Variants in ULK4 observed in about 807,000 individuals in gnomAD.
ULK4 encodes the protein inactive serine/threonine-protein kinase ULK4.
A neutral mutation model predicts 160.6 loss-of-function variants in ULK4; 133 were observed. The observed-to-expected ratio is 0.83, with a 90% CI of 0.72 to 0.96. ULK4 has a LOEUF of 0.96. Ranked by LOEUF, ULK4 falls within the 40% of genes least tolerant of loss-of-function variation. The pLI is 0.00. For missense variants in ULK4, 1,580 were observed against 1,499.5 expected (o/e 1.05, Z -0.89); for synonymous variants, 534 against 539.8 (o/e 0.99, Z 0.15).
At chr3:41,881,212 A>G (rs547542741) in intron 17 of ULK4, among the ~76,000 whole-genome samples, 1 of 150,812 alleles carries the variant, frequency 6.6e-6, no homozygotes, top group South Asian at 2.1e-4. Flanking sequence ...AATGGTTTTC[A>G]TTCATCTTAT....
chr3:41,879,206 A>G (rs1267936423), intron 17 of ULK4, among the ~76,000 whole-genome samples: 2 of 152,192 alleles, frequency 1.3e-5, no homozygotes, highest in Admixed American at 1.3e-4. Context: ...CTAACTGGGT[A>G]TTAGATGATA....
chr3:41,350,652 T>A (rs2080891673), intron 35 of ULK4, among the ~76,000 whole-genome samples: 1 of 152,220 alleles, frequency 6.6e-6, no homozygotes, highest in African/African-American at 2.4e-5. Context: ...TAACTGTCTT[T>A]CCTAAGTGTC....
At chr3:41,388,071 TG>T (rs1487662668) in intron 35 of ULK4, among the ~76,000 whole-genome samples, 2 of 152,194 alleles carry the variant, frequency 1.3e-5, no homozygotes, top group Admixed American at 1.3e-4. Flanking sequence ...CCATTCTAAC[TG>T]GTGTGAGATG....
chr3:41,835,218 CAA>C (rs2041719050), intron 18 of ULK4, among the ~76,000 whole-genome samples: 1 of 152,020 alleles, frequency 6.6e-6, no homozygotes, highest in African/African-American at 2.4e-5. Context: ...TCAAAACAAA[CAA>C]AGAAATACAA....
At chr3:41,933,217 G>A (rs1008647608) in intron 4 of ULK4, among the ~76,000 whole-genome samples, 1 of 152,162 alleles carries the variant, frequency 6.6e-6, no homozygotes, top group Non-Finnish European at 1.5e-5. Flanking sequence ...CAGAGTTTCT[G>A]ATTCAACAGG....
chr3:41,375,228 A>G (rs1253867327), intron 35 of ULK4, among the ~76,000 whole-genome samples: 1 of 152,208 alleles, frequency 6.6e-6, no homozygotes, highest in African/African-American at 2.4e-5. Context: ...TTACAGATTC[A>G]ATGCGATTCC....
chr3:41,928,875 A>C (rs1699482113), intron 5 of ULK4, among the ~76,000 whole-genome samples: 1 of 152,170 alleles, frequency 6.6e-6, no homozygotes, highest in African/African-American at 2.4e-5. Flanking sequence ...AATGTCCAGG[A>C]CCAGAAAGAT....
chr3:41,835,981 C>A lies in ULK4; in HGVS notation c.1657-10G>T, dbSNP rs577680188. On this transcript the variant is annotated splice_polypyrimidine_tract_variant and intron_variant, in intron 17 of 36. Coordinates refer to ENST00000301831, the MANE Select transcript of ULK4 (RefSeq NM_017886.4). ...TTAAGAGAACAATTGCCTGCAAAGACAAAAAAAAAAAAAGTAAATTATTTC... is the reference window on the plus strand; with the variant it reads ...TTAAGAGAACAATTGCCTGCAAAGAAAAAAAAAAAAAAAGTAAATTATTTC... 3.4e-3 allele frequency: 3,954 copies of A among 1,178,780 alleles called. No homozygotes were observed. Among genetic ancestry groups the A allele is most frequent in the Admixed American group, 8.8e-3 (380 of 43,348 alleles). The allele number at this position is 1,178,780 out of a possible 1,614,324, so 73.0% of individuals were successfully genotyped here. A position where few individuals can be genotyped will look rare whatever the true frequency, so the allele number is the denominator to read the frequency against.
At chr3:41,582,306 C>A (rs989742973) in intron 31 of ULK4, among the ~76,000 whole-genome samples, 1 of 152,082 alleles carries the variant, frequency 6.6e-6, no homozygotes, top group Non-Finnish European at 1.5e-5. Context: ...TCCATTAAAC[C>A]TCTTTTTCTT....
intron 34 of ULK4, among the ~76,000 whole-genome samples, chr3:41,453,338 G>T (rs1159777919): frequency 6.6e-6 from 1 of 152,072 alleles, no homozygotes; most frequent in Admixed American, 6.6e-5. Flanking sequence ...ACCACACCTG[G>T]CCAAATTTTA....
intron 30 of ULK4, among the ~76,000 whole-genome samples, chr3:41,619,571 A>T (rs2033143396): frequency 6.6e-6 from 1 of 152,204 alleles, no homozygotes; most frequent in Admixed American, 6.5e-5. Flanking sequence ...GACCAATGAA[A>T]ACAAAGACAC....
chr3:41,740,518 T>C (rs1248030985), intron 22 of ULK4, among the ~76,000 whole-genome samples: 1 of 151,892 alleles, frequency 6.6e-6, no homozygotes, highest in African/African-American at 2.4e-5. Context: ...AGGTGGACAT[T>C]TGTGAGCCAT....
intron 32 of ULK4, among the ~76,000 whole-genome samples, chr3:41,482,694 T>C (rs772749538): frequency 1.1e-4 from 17 of 152,192 alleles, no homozygotes; most frequent in Non-Finnish European, 2.1e-4. Flanking sequence ...TCCATACATT[T>C]TCACTCCCTT....
intron 19 of ULK4, among the ~76,000 whole-genome samples, chr3:41,813,014 C>A (rs1469060578): frequency 6.6e-6 from 1 of 152,100 alleles, no homozygotes; most frequent in Non-Finnish European, 1.5e-5. Flanking sequence ...TGTATCTAAT[C>A]AACATTTTTT....
At chr3:41,661,845 C>T (rs1173132366) in intron 30 of ULK4, among the ~76,000 whole-genome samples, 1 of 152,116 alleles carries the variant, frequency 6.6e-6, no homozygotes, top group African/African-American at 2.4e-5. Flanking sequence ...TCTCTAATCA[C>T]TTTTAAGATA....
intron 29 of ULK4, among the ~76,000 whole-genome samples, chr3:41,672,498 C>A (rs2035575610): frequency 6.6e-6 from 1 of 152,134 alleles, no homozygotes; most frequent in African/African-American, 2.4e-5. Flanking sequence ...AAAAAAGTTT[C>A]TCTCACATAG....
chr3:41,820,704 A>G (rs1315314560), intron 18 of ULK4, among the ~76,000 whole-genome samples: 1 of 152,186 alleles, frequency 6.6e-6, no homozygotes, highest in Admixed American at 6.5e-5. Flanking sequence ...AGGTAGGATC[A>G]GTTGTACCCC....
rs1185005018 is a variant in ULK4 at position 41,918,447 on chromosome 3, G to T, written c.727+10C>A. The T allele has an allele frequency of 6.5e-7, 1 of 1,549,212 alleles. No individual in the cohort carries two copies. The highest frequency in any genetic ancestry group is 2.0e-5 in the Admixed American group (1 of 50,670). On this transcript the variant is annotated intron_variant, in intron 7 of 36. Coordinates refer to ENST00000301831, the MANE Select transcript of ULK4 (RefSeq NM_017886.4). ...TGTAAATTAATTCCATTTATCATAA[G>T]AAATCTTACCTTTCGGAATAGGTGG...
At chr3:41,565,079 C>T (rs60094379) in intron 32 of ULK4, among the ~76,000 whole-genome samples, 9,357 of 152,214 alleles carry the variant, frequency 0.061, 856 homozygotes, top group African/African-American at 0.2. Context: ...TTGTAGTCTA[C>T]GGGCAATAGG....
Sources: gnomAD v4.1 joint callset for allele counts (sites outside exome capture counted in the v4.1 genomes callset) on GRCh38, gnomAD v4.1.1 for gene constraint, MANE v1.5 for transcripts, NCBI Gene and HGNC (gene_info 2026-07-23, HGNC 2026-07-21) for gene names.